Variants in ITGA2B observed in about 807,000 individuals in gnomAD.
ITGA2B encodes the protein integrin alpha-IIb.
ITGA2B carries 91 observed loss-of-function variants against 142.0 expected under a neutral mutation model. The observed-to-expected ratio is 0.64, with a 90% CI of 0.54 to 0.76. The LOEUF is 0.76. Among genes scored for constraint, ITGA2B ranks in the 30% least tolerant of loss-of-function variants. ITGA2B has a pLI of 0.00. For synonymous variants in ITGA2B, 536 were observed against 567.2 expected, an observed-to-expected ratio of 0.94 and a Z score of 0.78; for missense variants, 1,231 against 1,350.8, an observed-to-expected ratio of 0.91 and a Z score of 1.39.
chr17:44,381,066 A>C lies in ITGA2B; in HGVS notation c.1211-5T>G, dbSNP rs895382007. 4.3e-6 allele frequency: 7 copies of C among 1,612,890 alleles called. No individual in the cohort carries two copies. Among genetic ancestry groups the C allele is most frequent in the Non-Finnish European group, 5.1e-6 (6 of 1,179,506 alleles). On this transcript the variant is annotated splice_polypyrimidine_tract_variant and splice_region_variant and intron_variant, in intron 12 of 29. Coordinates refer to ENST00000262407, the MANE Select transcript of ITGA2B (RefSeq NM_000419.5). ...AGGGGGCAGCCACTGCAATGTCTGG[A>C]AGGAGTAACAGAAAGGAAGTGGCTG...
chr17:44,379,865 T>C, intron 17 of ITGA2B, 51 bp from the exon 18 acceptor site: 1 of 1,613,180 alleles, frequency 6.2e-7, no homozygotes, highest in South Asian at 1.1e-5. Context: ...ACATCCCACC[T>C]TCTCCTGGCC....
chr17:44,372,408 G>T lies in ITGA2B; in HGVS notation c.3076C>A (p.Arg1026=), dbSNP rs766503255. ...TCTTCTTCCAGGGGTGGCCGGTTCCGCTTGAAGAAGCCGACCTGGGGGTAC... is the reference window on the plus strand; with the variant it reads ...TCTTCTTCCAGGGGTGGCCGGTTCCTCTTGAAGAAGCCGACCTGGGGGTAC... The part of the protein sequence containing the change: ...LAMWKVGFFK[R]NRPPLEEDDE... Residue 1026 remains arginine (R), a synonymous_variant, in exon 30 of 30, where the codon CGG becomes AGG. Coordinates refer to ENST00000262407, the MANE Select transcript of ITGA2B (RefSeq NM_000419.5). 9 of 1,613,988 alleles carry T rather than the reference G, an allele frequency of 5.6e-6. No homozygotes were observed. Among genetic ancestry groups the T allele is most frequent in the South Asian group, 1.1e-5 (1 of 91,076 alleles).
In ITGA2B at chr17:44,385,310, C is replaced by A. The variant is rs753443802; in HGVS notation, c.600G>T (p.Ala200=). The change falls in exon 5 of 30, where the codon GCG becomes GCT. Residue 200 remains alanine, a synonymous_variant. Transcript: ENST00000262407. The stretch of plus-strand genomic sequence containing the variant: ...CCTGAGTGACCACGGAGCTGAAGCC[C>A]GCTTCACAGTAACGCTTGTCCCAGC... ...DFSWDKRYCE[A]GFSSVVTQAG... 6.8e-6 allele frequency: 11 copies of A among 1,612,418 alleles called. No homozygotes were observed. The highest frequency in any genetic ancestry group is 9.3e-6 in the Non-Finnish European group (11 of 1,179,958).
chr17:44,380,379 T>C lies in ITGA2B; in HGVS notation c.1544+7A>G. On this transcript the variant is annotated splice_region_variant and intron_variant, in intron 15 of 29. Transcript: ENST00000262407. Reference sequence around the variant, plus strand: ...TCCTTTAAGGCCCATGCCCTCTGCCTCCTCACCAGCTCACGGGTGTCTTGG... The same window carrying C: ...TCCTTTAAGGCCCATGCCCTCTGCCCCCTCACCAGCTCACGGGTGTCTTGG... 6.2e-7 allele frequency: 1 copy of C among 1,614,134 alleles called. No individual in the cohort carries two copies. The highest frequency in any genetic ancestry group is 1.3e-5 in the African/African-American group (1 of 75,034).
intron 21 of ITGA2B, 57 bp from the exon 22 acceptor site, chr17:44,377,145 G>A (rs559375476): frequency 1.5e-6 from 2 of 1,307,632 alleles, no homozygotes; most frequent in East Asian, 2.5e-5. Context: ...GGACAGCCCT[G>A]CCCTGAATGT....
At position 44,385,055 on chromosome 17, in the gene ITGA2B, A is replaced by G. The variant is rs1419803676; in HGVS notation, c.692T>C (p.Val231Ala). The G allele has an allele frequency of 6.2e-7, 1 of 1,614,084 alleles. No homozygotes were observed. The highest frequency in any genetic ancestry group is 2.2e-5 in the East Asian group (1 of 44,872). The change falls in exon 7 of 30, where the codon GTT (valine) becomes GCT (alanine). Residue 231 changes from valine to alanine, a missense_variant. By Grantham distance (64) the Val-to-Ala change is moderately conservative. Coordinates refer to ENST00000262407, the MANE Select transcript of ITGA2B (RefSeq NM_000419.5). ...GCGGTAACTCGAGAAAATATCCGCA[A>G]CTGGAGCCTGGGCCAGGAGACCTAG... ...YFLGLLAQAP[V>A]ADIFSSYRPG...
Position 44,381,075 on chromosome 17 carries a change from C to G in ITGA2B, c.1211-14G>C. The G allele has an allele frequency of 3.7e-6, 6 of 1,612,306 alleles. No individual in the cohort carries two copies. The East Asian group carries it at 1.3e-4, about 36-fold the overall frequency. On this transcript the variant is annotated splice_polypyrimidine_tract_variant and intron_variant, in intron 12 of 29. Transcript: ENST00000262407. ...CCACTGCAATGTCTGGAAGGAGTAACAGAAAGGAAGTGGCTGATTGTTATT... is the reference window on the plus strand; with the variant it reads ...CCACTGCAATGTCTGGAAGGAGTAAGAGAAAGGAAGTGGCTGATTGTTATT...
Position 44,375,665 on chromosome 17 carries a change from G to A in ITGA2B, c.2653C>T (p.His885Tyr). 6.2e-7 allele frequency: 1 copy of A among 1,609,722 alleles called. No individual in the cohort carries two copies. Among genetic ancestry groups the A allele is most frequent in the Non-Finnish European group, 8.5e-7 (1 of 1,178,304 alleles). Residue 885 changes from histidine to tyrosine, a missense_variant, in exon 26 of 30, where the codon CAC (histidine) becomes TAC (tyrosine). His to Tyr is a moderately conservative substitution (Grantham distance 83). Coordinates refer to ENST00000262407, the MANE Select transcript of ITGA2B (RefSeq NM_000419.5). ...PSPSPIHPAHHKRDRRQIFLP... is the reference protein window; with the variant it reads ...PSPSPIHPAHYKRDRRQIFLP... The stretch of plus-strand genomic sequence containing the variant: ...AAGATCTGTCTGCGATCCCGCTTGT[G>A]ATGGGCCGGGTGAATGGGGGAGGGG...
chr17:44,376,367 G>A lies in ITGA2B; in HGVS notation c.2289C>T (p.Asn763=), dbSNP rs776140064. The A allele has an allele frequency of 1.2e-6, 2 of 1,614,202 alleles. No homozygotes were observed. Among genetic ancestry groups the A allele is most frequent in the Non-Finnish European group, 1.7e-6 (2 of 1,180,040 alleles). Residue 763 remains asparagine (N), a synonymous_variant, in exon 23 of 30, where the codon AAC becomes AAT. Coordinates refer to ENST00000262407, the MANE Select transcript of ITGA2B (RefSeq NM_000419.5). ...QIRSKNSQNP[N]SKIVLLDVPV... is the part of the protein sequence containing the mutation. ...GCACGTCCAGCAGCACAATCTTGCTGTTTGGATTCTGGCTGTTCTTGCTAG... is the reference window on the plus strand; with the variant it reads ...GCACGTCCAGCAGCACAATCTTGCTATTTGGATTCTGGCTGTTCTTGCTAG...
chr17:44,372,289 G>C lies in ITGA2B; in HGVS notation c.*75C>G. The C allele has an allele frequency of 6.7e-7, 1 of 1,503,290 alleles. No homozygotes were observed. Among genetic ancestry groups the C allele is most frequent in the South Asian group, 1.1e-5 (1 of 88,480 alleles). The allele number at this position is 1,503,290 out of a possible 1,614,324, so 93.1% of individuals were successfully genotyped here. Reference sequence around the variant, plus strand: ...TGGAACAGCTCCAACCCAAAGCTTGGAGGCAACTTGTTGGAGAAGGGGCGG... The same window carrying C: ...TGGAACAGCTCCAACCCAAAGCTTGCAGGCAACTTGTTGGAGAAGGGGCGG... On this transcript the variant is annotated 3_prime_UTR_variant, in exon 30 of 30. Coordinates refer to ENST00000262407, the MANE Select transcript of ITGA2B (RefSeq NM_000419.5).
At chr17:44,380,725 C>T in intron 13 of ITGA2B, 80 bp from the exon 14 acceptor site, 1 of 1,598,878 alleles carries the variant, frequency 6.3e-7, no homozygotes, top group South Asian at 1.1e-5. Flanking sequence ...GTTCCCCACA[C>T]CACCTCCCCC....
intron 25 of ITGA2B, 53 bp downstream of exon 25, chr17:44,375,780 C>T: frequency 6.4e-7 from 1 of 1,557,136 alleles, no homozygotes; most frequent in Non-Finnish European, 8.7e-7. Context: ...AGAGGTGCCC[C>T]GGTGGTTGGT....
At chr17:44,387,860 A>G (rs1161070829) in intron 1 of ITGA2B, among the ~76,000 whole-genome samples, 1 of 149,962 alleles carries the variant, frequency 6.7e-6, no homozygotes, top group Non-Finnish European at 1.5e-5. Flanking sequence ...AAAAAGAAGA[A>G]GAAGAAAAAA....
intron 18 of ITGA2B, among the ~76,000 whole-genome samples, chr17:44,379,042 G>T (rs1159094175): frequency 6.6e-6 from 1 of 151,360 alleles, no homozygotes; most frequent in Non-Finnish European, 1.5e-5. Context: ...GCCCCCCGGG[G>T]TTCACGCCAT....
In ITGA2B at chr17:44,384,097, C is replaced by A. The variant is rs1448010649; in HGVS notation, c.933G>T (p.Leu311=). Residue 311 remains leucine, a synonymous_variant, in exon 10 of 30, where the codon CTG becomes CTT. Transcript: ENST00000262407. The part of the protein sequence containing the change: ...LDSYYQRLHR[L]RGEQMASYFG... ...ACCTGGCCCCCACCTGCTCTCCGCG[C>A]AGCCGATGCAGCCTCTGGTAGTAGG... 6.2e-7 allele frequency: 1 copy of A among 1,613,730 alleles called. No individual in the cohort carries two copies. The highest frequency in any genetic ancestry group is 1.1e-5 in the South Asian group (1 of 91,088).
Position 44,383,219 on chromosome 17 carries a change from C to A in ITGA2B, c.1210+274G>T, listed in dbSNP as rs117262840. Among the ~76,000 whole-genome samples the A allele has an allele frequency of 2.0e-4, 31 of 152,236 alleles. 1 individual carries two copies. In the East Asian group the frequency reaches 5.8e-3, roughly 29 times the overall value. Reference sequence around the variant, plus strand: ...AGTCTCCCACCAAGTCCTAATAATCCGAGTCCTAAATATCTGTGAAGTCAC... The same window carrying A: ...AGTCTCCCACCAAGTCCTAATAATCAGAGTCCTAAATATCTGTGAAGTCAC... On this transcript the variant is annotated intron_variant, in intron 12 of 29. Transcript: ENST00000262407.
Position 44,375,876 on chromosome 17 carries a change from C to A in ITGA2B, c.2558G>T (p.Gly853Val). 6.2e-7 allele frequency: 1 copy of A among 1,603,994 alleles called. No individual in the cohort carries two copies. Among genetic ancestry groups the A allele is most frequent in the Admixed American group, 1.7e-5 (1 of 57,448 alleles). The change falls in exon 25 of 30, where the codon GGG becomes GTG. Residue 853 changes from glycine to valine, a missense_variant. Physicochemically the swap from Gly to Val is moderately radical, Grantham distance 109. This residue lies in a region of ITGA2B where 908 missense variants were observed against 1,021.1 expected (regional missense o/e 0.89). Coordinates refer to ENST00000262407, the MANE Select transcript of ITGA2B (RefSeq NM_000419.5). ...LLYILDIQPQ[G>V]GLQCFPQPPV... ...AGGCTGTGGGAAGCACTGAAGGCCC[C>A]CCTGGGGCTGTATATCCAGGATGTA...
rs2048504965 is a variant in ITGA2B at position 44,372,399 on chromosome 17, G to T, written c.3085C>A (p.Pro1029Thr). The T allele has an allele frequency of 6.2e-7, 1 of 1,613,922 alleles. No homozygotes were observed. Among genetic ancestry groups the T allele is most frequent in the Non-Finnish European group, 8.5e-7 (1 of 1,180,012 alleles). ...WKVGFFKRNRPPLEEDDEEGE is the reference protein window; with the variant it reads ...WKVGFFKRNRTPLEEDDEEGE ...TCTTCATCATCTTCTTCCAGGGGTG[G>T]CCGGTTCCGCTTGAAGAAGCCGACC... Residue 1029 changes from proline to threonine, a missense_variant, in exon 30 of 30, where the codon CCA (proline) becomes ACA (threonine). Coordinates refer to ENST00000262407, the MANE Select transcript of ITGA2B (RefSeq NM_000419.5).
Position 44,380,420 on chromosome 17 carries a change from A to G in ITGA2B, c.1510T>C (p.Cys504Arg). The change falls in exon 15 of 30, where the codon TGT (cysteine) becomes CGT (arginine). Residue 504 changes from cysteine to arginine, a missense_variant. Around this residue, in one of 3 missense-constraint regions of ITGA2B, gnomAD observed 908 missense variants for 1,021.1 expected, o/e 0.89. Coordinates refer to ENST00000262407, the MANE Select transcript of ITGA2B (RefSeq NM_000419.5). ...GGTGTCTTGGTCTGAGGTAGGACAC[A>G]GCTCTTCACAGCAGGATTCAGTGAA... ...QDSLNPAVKS[C>R]VLPQTKTPVS... The G allele has an allele frequency of 6.2e-7, 1 of 1,614,192 alleles. No homozygotes were observed.
Sources: allele counts gnomAD v4.1 joint callset (sites outside exome capture counted in the v4.1 genomes callset), GRCh38; gene constraint gnomAD v4.1.1; regional missense constraint gnomAD v4.1.1; transcripts MANE v1.5; gene names NCBI Gene and HGNC (gene_info 2026-07-23, HGNC 2026-07-21).